The following ANO2 variants were observed in gnomAD, a reference collection of about 807,000 sequenced individuals.
ANO2 encodes anoctamin-2.
ANO2 carries 101 observed loss-of-function variants against 124.2 expected under a neutral mutation model. That is an observed-to-expected ratio of 0.81 (90% CI 0.69 to 0.96). The LOEUF (loss-of-function observed/expected upper bound fraction) is 0.96. Ranked by LOEUF, ANO2 falls within the 40% of genes least tolerant of loss-of-function variation. The pLI, the probability that ANO2 is intolerant of heterozygous loss-of-function variation, is 0.00. For missense variants in ANO2, 1,293 were observed against 1,274.5 expected (o/e 1.01, Z -0.22); for synonymous variants, 486 against 482.5 (o/e 1.01, Z -0.09).
intron 14 of ANO2, among the ~76,000 whole-genome samples, chr12:5,649,508 C>T (rs1221067415): frequency 6.6e-6 from 1 of 152,142 alleles, no homozygotes; most frequent in African/African-American, 2.4e-5. Flanking sequence ...TCATATTCTT[C>T]CAGATAAGGC....
At chr12:5,571,701 T>TTC (rs143490808) in intron 23 of ANO2, among the ~76,000 whole-genome samples, 420 of 150,726 alleles carry the variant, frequency 2.8e-3, no homozygotes, top group African/African-American at 9.3e-3. Context: ...TCTCTCTTTC[T>TTC]TCTCTCTCTC....
At chr12:5,671,603 C>T (rs117215013) in intron 14 of ANO2, among the ~76,000 whole-genome samples, 3,599 of 152,200 alleles carry the variant, frequency 0.024, 70 homozygotes, top group Non-Finnish European at 0.037. Context: ...TCTAAAGCCA[C>T]CCTAGGGACA....
chr12:5,698,571 C>A (rs1318820914), intron 14 of ANO2, among the ~76,000 whole-genome samples: 1 of 152,166 alleles, frequency 6.6e-6, no homozygotes, highest in African/African-American at 2.4e-5. Context: ...AGCTCCTTGC[C>A]AGCAATGGAA....
At chr12:5,664,253 A>G (rs772910067) in intron 14 of ANO2, among the ~76,000 whole-genome samples, 103 of 152,120 alleles carry the variant, frequency 6.8e-4, no homozygotes, top group Non-Finnish European at 1.1e-3. Context: ...CCATCCTTCC[A>G]CCCATCCACC....
At chr12:5,778,157 T>C (rs1333313326) in intron 10 of ANO2, among the ~76,000 whole-genome samples, 1 of 152,250 alleles carries the variant, frequency 6.6e-6, no homozygotes, top group Non-Finnish European at 1.5e-5. Flanking sequence ...ATAAGACTAG[T>C]GTTATGTGTC....
At chr12:5,818,124 C>G (rs569026554) in intron 7 of ANO2, among the ~76,000 whole-genome samples, 2 of 151,088 alleles carry the variant, frequency 1.3e-5, no homozygotes, top group African/African-American at 4.9e-5. Context: ...TTGATTGGAT[C>G]GCAGGATGCA....
chr12:5,861,043 C>T (rs893644765), intron 3 of ANO2, among the ~76,000 whole-genome samples: 1 of 152,182 alleles, frequency 6.6e-6, no homozygotes, highest in Non-Finnish European at 1.5e-5. Context: ...AGCTTAGGGA[C>T]ACAGAGGAAT....
At chr12:5,704,652 C>T (rs553229389) in intron 14 of ANO2, among the ~76,000 whole-genome samples, 6 of 151,992 alleles carry the variant, frequency 3.9e-5, no homozygotes, top group Non-Finnish European at 8.8e-5. Flanking sequence ...CCTTGGAAGT[C>T]CCCACCGTGA....
intron 19 of ANO2, among the ~76,000 whole-genome samples, chr12:5,605,117 C>A (rs1429494686): frequency 1.3e-5 from 2 of 152,080 alleles, no homozygotes; most frequent in Non-Finnish European, 2.9e-5. Flanking sequence ...GATCTTTAGC[C>A]TCATTAAATA....
intron 20 of ANO2, among the ~76,000 whole-genome samples, chr12:5,593,032 T>TG (rs35999838): frequency 6.6e-6 from 1 of 152,172 alleles, no homozygotes; most frequent in African/African-American, 2.4e-5. Flanking sequence ...CAGGAGAGGC[T>TG]GGGGGTCTCT....
At chr12:5,703,442 C>T (rs553974802) in intron 14 of ANO2, among the ~76,000 whole-genome samples, 107 of 152,260 alleles carry the variant, frequency 7.0e-4, no homozygotes, top group African/African-American at 1.4e-3. Context: ...ATATTTGTAA[C>T]GGCATTTTTC....
intron 5 of ANO2, 26 bp from the exon 6 acceptor site, chr12:5,830,515 C>A (rs1232675024): frequency 6.2e-7 from 1 of 1,602,752 alleles, no homozygotes; most frequent in South Asian, 1.1e-5. Flanking sequence ...GAGCAGATGG[C>A]AAATTCATTT....
intron 3 of ANO2, among the ~76,000 whole-genome samples, chr12:5,906,192 C>G (rs1940670155): frequency 6.6e-6 from 1 of 152,100 alleles, no homozygotes; most frequent in Non-Finnish European, 1.5e-5. Flanking sequence ...CCAAGGGCTT[C>G]CTCTCCAGTT....
intron 20 of ANO2, among the ~76,000 whole-genome samples, chr12:5,579,699 C>T (rs1477448321): frequency 6.6e-6 from 1 of 152,192 alleles, no homozygotes; most frequent in East Asian, 1.9e-4. Flanking sequence ...AAGTCCCTAC[C>T]GGTGCATACA....
chr12:5,703,112 G>T (rs1949469892), intron 14 of ANO2, among the ~76,000 whole-genome samples: 1 of 152,086 alleles, frequency 6.6e-6, no homozygotes, highest in African/African-American at 2.4e-5. Flanking sequence ...ACAGGAAACT[G>T]GGTAAATAAA....
intron 3 of ANO2, among the ~76,000 whole-genome samples, chr12:5,914,028 T>A (rs565217049): frequency 2.6e-5 from 4 of 151,900 alleles, no homozygotes; most frequent in Admixed American, 6.6e-5. Context: ...GGTGAAACCC[T>A]GTCTCTACTA....
chr12:5,647,918 T>G lies in ANO2; in HGVS notation c.1546-117A>C, dbSNP rs1946730394. The G allele has an allele frequency of 2.2e-5, 17 of 763,940 alleles. No individual in the cohort carries two copies. In the South Asian group the frequency reaches 2.6e-4, roughly 12 times the overall value. The allele number at this position is 763,940 out of a possible 1,614,324, so 47.3% of individuals were successfully genotyped here. A position where few individuals can be genotyped will look rare whatever the true frequency, so the allele number is the denominator to read the frequency against. On this transcript the variant is annotated intron_variant, in intron 14 of 24. Transcript: ENST00000682330. ...CATTATCACTCTATATAGATATATT[T>G]CTAGTCACTGATGCCTTACTCTCCA...
chr12:5,831,402 T>C (rs901352370), intron 5 of ANO2, among the ~76,000 whole-genome samples: 1 of 152,078 alleles, frequency 6.6e-6, no homozygotes, highest in African/African-American at 2.4e-5. Context: ...ACCATTCAGA[T>C]GCCAGCACCA....
chr12:5,599,639 A>C lies in ANO2; in HGVS notation c.2088-10T>G, dbSNP rs1943833711. 6.2e-7 allele frequency: 1 copy of C among 1,613,160 alleles called. No homozygotes were observed. The highest frequency in any genetic ancestry group is 1.3e-5 in the African/African-American group (1 of 74,888). ...TAGTTTCTTTAGCTTCCTGGAAAAG[A>C]AATGGATTAAGTTACAAAAAGCCTC... is the stretch of plus-strand genomic sequence containing the variant. On this transcript the variant is annotated splice_polypyrimidine_tract_variant and intron_variant, in intron 19 of 24. Transcript: ENST00000682330.
Sources: gnomAD v4.1 joint callset for allele counts (sites outside exome capture counted in the v4.1 genomes callset) on GRCh38, gnomAD v4.1.1 for gene constraint, MANE v1.5 for transcripts, NCBI Gene and HGNC (gene_info 2026-07-23, HGNC 2026-07-21) for gene names.